CDH23: variants seen among roughly 807,000 people sequenced by gnomAD.
CDH23 encodes cadherin-23.
In CDH23, 189 loss-of-function variants were observed where a neutral mutation model predicts 317.1. The observed-to-expected ratio is 0.60, with a 90% confidence interval of 0.53 to 0.67. The LOEUF (loss-of-function observed/expected upper bound fraction) is 0.67. Among genes scored for constraint, CDH23 ranks in the 30% least tolerant of loss-of-function variants. The pLI is 0.00. For missense variants in CDH23, 4,401 were observed against 4,592.4 expected (o/e 0.96, Z 1.20); for synonymous variants, 1,839 against 1,876.8 (o/e 0.98, Z 0.52).
At chr10:71,512,614 C>T (rs1321316444) in intron 6 of CDH23, among the ~76,000 whole-genome samples, 1 of 152,218 alleles carries the variant, frequency 6.6e-6, no homozygotes, top group East Asian at 1.9e-4. Flanking sequence ...CCCTCTCTTC[C>T]CTCTCATGGG....
chr10:71,562,446 G>A (rs1220302987), intron 6 of CDH23, among the ~76,000 whole-genome samples: 1 of 152,204 alleles, frequency 6.6e-6, no homozygotes, highest in Non-Finnish European at 1.5e-5. Context: ...TCGGGTGGCG[G>A]GCACTGTGCC....
intron 22 of CDH23, among the ~76,000 whole-genome samples, 185 bp downstream of exon 22, chr10:71,695,710 A>G (rs1865361732): frequency 6.6e-6 from 1 of 152,196 alleles, no homozygotes; most frequent in African/African-American, 2.4e-5. Context: ...GGTCAAGGGA[A>G]AGCCCTCATC....
chr10:71,420,473 A>G (rs1848733867), intron 1 of CDH23, among the ~76,000 whole-genome samples: 1 of 139,294 alleles, frequency 7.2e-6, no homozygotes, highest in African/African-American at 2.7e-5. Flanking sequence ...GATGATGGTG[A>G]TGATGATGGT....
At chr10:71,594,395 CAG>C (rs969597812) in intron 9 of CDH23, among the ~76,000 whole-genome samples, 9 of 151,642 alleles carry the variant, frequency 5.9e-5, no homozygotes, top group African/African-American at 2.2e-4. Flanking sequence ...TTCTTTTTGA[CAG>C]AGTTTCCCTC....
At chr10:71,715,639 A>T in intron 28 of CDH23, 1 of 284,096 alleles carries the variant, frequency 3.5e-6, no homozygotes, top group East Asian at 5.9e-5. Context: ...TACGAGCCCC[A>T]GGTTGTACCC....
At chr10:71,601,836 A>G (rs1466691312) in intron 9 of CDH23, among the ~76,000 whole-genome samples, 2 of 152,234 alleles carry the variant, frequency 1.3e-5, no homozygotes, top group African/African-American at 2.4e-5. Flanking sequence ...TTTAAACAGG[A>G]GAAAACCCTG....
At chr10:71,659,618 T>C (rs1863558698) in intron 14 of CDH23, among the ~76,000 whole-genome samples, 2 of 152,238 alleles carry the variant, frequency 1.3e-5, no homozygotes, top group African/African-American at 4.8e-5. Flanking sequence ...CACGGACACT[T>C]ATCTCCAGCA....
chr10:71,761,998 C>A, intron 38 of CDH23: 1 of 1,609,256 alleles, frequency 6.2e-7, no homozygotes, highest in Non-Finnish European at 8.5e-7. Context: ...GGGAATACGG[C>A]GTGGCGACCT....
intron 6 of CDH23, among the ~76,000 whole-genome samples, chr10:71,560,985 C>G (rs1857099925): frequency 6.6e-6 from 1 of 152,136 alleles, no homozygotes; most frequent in Admixed American, 6.5e-5. Context: ...CAGCATAAAT[C>G]TTGAAGGGGG....
At chr10:71,700,484 C>G (rs536321517) in intron 22 of CDH23, among the ~76,000 whole-genome samples, 126 of 152,362 alleles carry the variant, frequency 8.3e-4, no homozygotes, top group Admixed American at 3.7e-3. Context: ...AACGACTTGG[C>G]CTGTTTTAAA....
At chr10:71,510,469 TG>T (rs1391621399) in intron 4 of CDH23, among the ~76,000 whole-genome samples, 6 of 152,222 alleles carry the variant, frequency 3.9e-5, no homozygotes, top group African/African-American at 1.2e-4. Context: ...AGAGGGACAG[TG>T]ACCCTGTGTT....
At chr10:71,811,899 C>T (rs925160285) in intron 65 of CDH23, 56 bp from the exon 66 acceptor site, 30 of 1,611,176 alleles carry the variant, frequency 1.9e-5, no homozygotes, top group Non-Finnish European at 2.4e-5. Flanking sequence ...CCCCCAACAC[C>T]ACCCCTACCC....
At chr10:71,584,585 G>C (rs80128762) in intron 9 of CDH23, among the ~76,000 whole-genome samples, 13,755 of 81,404 alleles carry the variant, frequency 0.17, 791 homozygotes, top group South Asian at 0.38. Flanking sequence ...TACGCAGGGA[G>C]AATAATCAGA....
In CDH23 at chr10:71,457,007, G is replaced by C. The variant is rs148805946; in HGVS notation, c.145+10612G>C. Among the ~76,000 whole-genome samples, 718 of 152,302 alleles carry C rather than the reference G, an allele frequency of 4.7e-3. 5 individuals carry two copies. Among genetic ancestry groups the C allele is most frequent in the African/African-American group, 0.017 (686 of 41,554 alleles). On this transcript the variant is annotated intron_variant, in intron 3 of 69. Coordinates refer to ENST00000224721, the MANE Select transcript of CDH23 (RefSeq NM_022124.6). Reference sequence around the variant, plus strand: ...GTGGAGAAGAGAACCAATGGTAAATGACCACCTCACACCAGGCAAGTGGGA... The same window carrying C: ...GTGGAGAAGAGAACCAATGGTAAATCACCACCTCACACCAGGCAAGTGGGA...
chr10:71,562,550 G>T (rs1589211200), intron 6 of CDH23, among the ~76,000 whole-genome samples: 1 of 152,190 alleles, frequency 6.6e-6, no homozygotes, highest in Non-Finnish European at 1.5e-5. Context: ...GGGTGAGCCT[G>T]GGGCAGAGCC....
chr10:71,635,006 G>A (rs1342251580), intron 11 of CDH23, among the ~76,000 whole-genome samples: 1 of 152,236 alleles, frequency 6.6e-6, no homozygotes. Context: ...CAGCAAGGCT[G>A]AGCTATGAAC....
intron 1 of CDH23, among the ~76,000 whole-genome samples, chr10:71,430,541 G>A (rs1337591269): frequency 6.6e-6 from 1 of 152,222 alleles, no homozygotes; most frequent in Non-Finnish European, 1.5e-5. Context: ...GGGCACAGTG[G>A]CTCACGCCTG....
intron 25 of CDH23, among the ~76,000 whole-genome samples, chr10:71,705,977 T>C (rs1433980260): frequency 6.6e-6 from 1 of 152,164 alleles, no homozygotes; most frequent in African/African-American, 2.4e-5. Context: ...ACATTCTCTC[T>C]CCCATTGGTC....
chr10:71,611,522 T>C (rs529485779), intron 9 of CDH23, among the ~76,000 whole-genome samples: 2 of 152,282 alleles, frequency 1.3e-5, no homozygotes, highest in East Asian at 3.9e-4. Flanking sequence ...CCAACATTTG[T>C]TGGGAGTTTC....
Sources: gnomAD v4.1 joint callset for allele counts (sites outside exome capture counted in the v4.1 genomes callset) on GRCh38, gnomAD v4.1.1 for gene constraint, MANE v1.5 for transcripts, NCBI Gene and HGNC (gene_info 2026-07-23, HGNC 2026-07-21) for gene names.